The following SNTG1 variants were observed in gnomAD, a reference collection of about 807,000 sequenced individuals.
SNTG1 encodes the protein syntrophin gamma 1, also known as gamma-1-syntrophin.
In SNTG1, 39 loss-of-function variants were observed where a neutral mutation model predicts 74.7. The observed-to-expected ratio is 0.52, with a 90% confidence interval of 0.40 to 0.68. The LOEUF (loss-of-function observed/expected upper bound fraction) is 0.68. Ranked by LOEUF, SNTG1 falls within the 30% of genes least tolerant of loss-of-function variation. The probability of loss-of-function intolerance (pLI) is 0.00; values close to 1 mark genes in which losing one functional copy is unlikely to be tolerated. For synonymous variants in SNTG1, 254 were observed against 217.1 expected (o/e 1.17, Z -1.49); for missense variants, 685 against 609.5 (o/e 1.12, Z -1.30).
At chr8:50,267,891 C>T (rs1045828913) in intron 2 of SNTG1, among the ~76,000 whole-genome samples, 1 of 152,100 alleles carries the variant, frequency 6.6e-6, no homozygotes, top group African/African-American at 2.4e-5. Flanking sequence ...ATGAACAAAG[C>T]AAGGGTATAC....
intron 1 of SNTG1, among the ~76,000 whole-genome samples, chr8:50,076,307 A>G (rs1821883314): frequency 2.0e-5 from 3 of 152,176 alleles, no homozygotes; most frequent in Admixed American, 2.0e-4. Context: ...AACAAAAAAA[A>G]ACCTGAATTC....
At chr8:49,930,544 A>G (rs544456484) in intron 1 of SNTG1, among the ~76,000 whole-genome samples, 7 of 150,730 alleles carry the variant, frequency 4.6e-5, no homozygotes, top group African/African-American at 1.7e-4. Flanking sequence ...ATATGTACAT[A>G]TTATACATAT....
At chr8:50,746,903 T>C (rs886596081) in intron 17 of SNTG1, among the ~76,000 whole-genome samples, 1 of 148,772 alleles carries the variant, frequency 6.7e-6, no homozygotes, top group Non-Finnish European at 1.5e-5. Context: ...ATGCTTTTTA[T>C]TTTCCCTGCA....
At chr8:50,646,873 T>C (rs1257981826) in intron 13 of SNTG1, among the ~76,000 whole-genome samples, 2 of 152,122 alleles carry the variant, frequency 1.3e-5, no homozygotes, top group South Asian at 2.1e-4. Context: ...AGACAGACAA[T>C]ATCTCAATGA....
rs189931383 is a variant in SNTG1 at position 50,139,982 on chromosome 8, G to C, written c.-102-32579G>C. 2.4e-3 allele frequency among the ~76,000 whole-genome samples: 372 copies of C among 152,332 alleles called. 1 individual carries two copies. Among genetic ancestry groups the C allele is most frequent in the African/African-American group, 8.6e-3 (357 of 41,568 alleles). On this transcript the variant is annotated intron_variant, in intron 1 of 18. Transcript: ENST00000642720. ...GAAGCTTTTCACATGTCACTAGCGA[G>C]CTTTGTGTTTCTGTTTTATATTGCA...
intron 1 of SNTG1, among the ~76,000 whole-genome samples, chr8:50,129,029 T>A (rs4873406): frequency 0.2 from 31,076 of 151,942 alleles, 3,307 homozygotes; most frequent in South Asian, 0.37. Context: ...CAGAACATCA[T>A]TTGATGAAGA....
intron 1 of SNTG1, among the ~76,000 whole-genome samples, chr8:50,144,525 G>T (rs2081787702): frequency 6.6e-6 from 1 of 152,196 alleles, no homozygotes; most frequent in Non-Finnish European, 1.5e-5. Flanking sequence ...CCTTTAAGGT[G>T]CTGTAAGTGA....
chr8:50,487,698 G>GA (rs201997485), intron 8 of SNTG1, among the ~76,000 whole-genome samples: 16 of 150,120 alleles, frequency 1.1e-4, no homozygotes, highest in Non-Finnish European at 1.6e-4. Flanking sequence ...GGGGTCGGAG[G>GA]GGGGGGAGGG....
chr8:50,274,079 T>TTTGTTG (rs150473240), intron 2 of SNTG1, among the ~76,000 whole-genome samples: 3 of 151,910 alleles, frequency 2.0e-5, no homozygotes, highest in East Asian at 1.9e-4. Context: ...TGTGTCAGTT[T>TTTGTTG]TTGTTGTTGT....
chr8:50,225,206 T>C (rs567895621), intron 2 of SNTG1, among the ~76,000 whole-genome samples: 1 of 152,118 alleles, frequency 6.6e-6, no homozygotes, highest in Non-Finnish European at 1.5e-5. Flanking sequence ...TCTCCTGACC[T>C]CGTGATCCAC....
At chr8:50,299,016 T>C (rs1410980810) in intron 2 of SNTG1, among the ~76,000 whole-genome samples, 1 of 152,170 alleles carries the variant, frequency 6.6e-6, no homozygotes, top group Non-Finnish European at 1.5e-5. Context: ...GTGAAATACA[T>C]ATATTGAACT....
intron 2 of SNTG1, among the ~76,000 whole-genome samples, chr8:50,323,217 T>C (rs1239552262): frequency 6.6e-6 from 1 of 152,168 alleles, no homozygotes; most frequent in Non-Finnish European, 1.5e-5. Flanking sequence ...CTTTGTTAAA[T>C]ATATATAATG....
At chr8:50,396,332 C>G (rs914939350) in intron 3 of SNTG1, among the ~76,000 whole-genome samples, 1 of 152,070 alleles carries the variant, frequency 6.6e-6, no homozygotes, top group African/African-American at 2.4e-5. Context: ...TTAATGGAAT[C>G]CAAGTGTTCA....
intron 2 of SNTG1, among the ~76,000 whole-genome samples, chr8:50,300,202 C>T (rs1274788256): frequency 6.6e-6 from 1 of 152,022 alleles, no homozygotes; most frequent in African/African-American, 2.4e-5. Flanking sequence ...TCTTTTCGAC[C>T]AAAAGAGTAT....
At chr8:50,753,333 C>A (rs889400714) in intron 18 of SNTG1, among the ~76,000 whole-genome samples, 1 of 151,820 alleles carries the variant, frequency 6.6e-6, no homozygotes, top group Non-Finnish European at 1.5e-5. Context: ...ATTTTTTTTA[C>A]CTTTAGCTCT....
intron 1 of SNTG1, among the ~76,000 whole-genome samples, chr8:49,916,540 G>T (rs1806054763): frequency 6.6e-6 from 1 of 152,052 alleles, no homozygotes; most frequent in Admixed American, 6.6e-5. Context: ...ATTAAAAATT[G>T]TGAAGTAATT....
intron 9 of SNTG1, among the ~76,000 whole-genome samples, chr8:50,509,303 A>G (rs1202917218): frequency 1.3e-5 from 2 of 152,170 alleles, no homozygotes; most frequent in Non-Finnish European, 2.9e-5. Context: ...TACCAGTACC[A>G]TGCTGTTTTG....
At chr8:50,123,142 G>T (rs1427788205) in intron 1 of SNTG1, among the ~76,000 whole-genome samples, 1 of 142,410 alleles carries the variant, frequency 7.0e-6, no homozygotes, top group East Asian at 2.0e-4. Context: ...CCTTTGCAAA[G>T]TCCTAAGACT....
chr8:50,170,646 G>A (rs58958741), intron 1 of SNTG1, among the ~76,000 whole-genome samples: 18,094 of 152,076 alleles, frequency 0.12, 1,300 homozygotes, highest in African/African-American at 0.19. Flanking sequence ...ATAGCCAGAA[G>A]TGCAGGCATG....
Sources: allele counts gnomAD v4.1 joint callset (sites outside exome capture counted in the v4.1 genomes callset), GRCh38; gene constraint gnomAD v4.1.1; transcripts MANE v1.5; gene names NCBI Gene and HGNC (gene_info 2026-07-23, HGNC 2026-07-21).